The following ZRANB3 variants were observed in gnomAD, a reference collection of about 807,000 sequenced individuals.
The protein encoded by ZRANB3 is DNA annealing helicase and endonuclease ZRANB3.
Under a neutral mutation model 133.8 loss-of-function variants are expected in ZRANB3, and 125 were observed. The ratio of observed to expected loss-of-function variants is 0.93; its 90% CI spans 0.81 to 1.08. The LOEUF (loss-of-function observed/expected upper bound fraction) is 1.08. Among genes scored for constraint, ZRANB3 ranks in the 50% least tolerant of loss-of-function variants. ZRANB3 has a pLI of 0.00. For missense variants in ZRANB3, 1,229 were observed against 1,275.5 expected (o/e 0.96, Z 0.56); for synonymous variants, 387 against 432.7 (o/e 0.89, Z 1.31).
intron 2 of ZRANB3, among the ~76,000 whole-genome samples, chr2:135,446,683 T>A (rs1265294321): frequency 6.6e-6 from 1 of 152,090 alleles, no homozygotes; most frequent in Non-Finnish European, 1.5e-5. Flanking sequence ...TTGAGGAAAG[T>A]ATTAGAATGA....
intron 2 of ZRANB3, among the ~76,000 whole-genome samples, chr2:135,462,650 T>G (rs1690815422): frequency 6.6e-6 from 1 of 151,646 alleles, no homozygotes. Flanking sequence ...TGGAGTGTAG[T>G]GGCACTATCT....
intron 1 of ZRANB3, among the ~76,000 whole-genome samples, chr2:135,521,923 TC>T (rs1265741639): frequency 1.3e-5 from 2 of 152,048 alleles, no homozygotes; most frequent in African/African-American, 4.8e-5. Flanking sequence ...TGAGTTGGTC[TC>T]CCCTGTGTGA....
intron 2 of ZRANB3, among the ~76,000 whole-genome samples, chr2:135,494,979 A>G (rs1692599085): frequency 6.6e-6 from 1 of 152,230 alleles, no homozygotes; most frequent in African/African-American, 2.4e-5. Context: ...TCATGCCTGT[A>G]ATCCTAGCAC....
chr2:135,298,471 C>G (rs1682268493), intron 8 of ZRANB3, among the ~76,000 whole-genome samples: 1 of 152,128 alleles, frequency 6.6e-6, no homozygotes, highest in Admixed American at 6.5e-5. Flanking sequence ...AGATCTGGGG[C>G]TCAAGGGTTG....
intron 2 of ZRANB3, among the ~76,000 whole-genome samples, chr2:135,471,710 A>G (rs1158604673): frequency 6.6e-6 from 1 of 152,210 alleles, no homozygotes; most frequent in Non-Finnish European, 1.5e-5. Flanking sequence ...GAATTGATTC[A>G]GTTTTCTCGA....
At chr2:135,216,968 C>T (rs970689873) in intron 17 of ZRANB3, among the ~76,000 whole-genome samples, 23 of 152,264 alleles carry the variant, frequency 1.5e-4, no homozygotes, top group African/African-American at 3.4e-4. Context: ...AAATATCTGA[C>T]GGTCAACCTT....
intron 3 of ZRANB3, among the ~76,000 whole-genome samples, chr2:135,379,712 A>T (rs1686599439): frequency 6.6e-6 from 1 of 152,192 alleles, no homozygotes; most frequent in Admixed American, 6.5e-5. Flanking sequence ...AAACACACCA[A>T]ATTGTAAAGA....
rs528386250 is a variant in ZRANB3, at chr2:135,503,801, A to C, written c.161+528T>G. On this transcript the variant is annotated intron_variant, in intron 2 of 20. Coordinates refer to ENST00000264159, the MANE Select transcript of ZRANB3 (RefSeq NM_032143.4). The stretch of plus-strand genomic sequence containing the variant: ...ATGGTGAAAACCCATCCCTTAAAAA[A>C]ACACAACAAAAACAAAAATTACCCG... Among the ~76,000 whole-genome samples the C allele has an allele frequency of 3.3e-5, 5 of 152,164 alleles. No individual in the cohort carries two copies. In the South Asian group the frequency reaches 8.3e-4, roughly 25 times the overall value.
chr2:135,474,162 G>A (rs1691400434), intron 2 of ZRANB3, among the ~76,000 whole-genome samples: 1 of 151,988 alleles, frequency 6.6e-6, no homozygotes, highest in South Asian at 2.1e-4. Flanking sequence ...CTGCACTCTG[G>A]CCTGGGAGAC....
chr2:135,334,181 G>A (rs1287547967), intron 6 of ZRANB3, among the ~76,000 whole-genome samples: 2 of 152,152 alleles, frequency 1.3e-5, no homozygotes, highest in Non-Finnish European at 2.9e-5. Flanking sequence ...CATGTAAGAG[G>A]CATCCTAAAA....
At chr2:135,502,824 G>A (rs915344314) in intron 2 of ZRANB3, among the ~76,000 whole-genome samples, 1 of 152,170 alleles carries the variant, frequency 6.6e-6, no homozygotes, top group African/African-American at 2.4e-5. Context: ...GTCTAGGCTG[G>A]AAAAACTGAG....
chr2:135,498,788 T>C (rs1692804689), intron 2 of ZRANB3, among the ~76,000 whole-genome samples: 1 of 152,174 alleles, frequency 6.6e-6, no homozygotes, highest in Non-Finnish European at 1.5e-5. Flanking sequence ...CGGTTGTAGA[T>C]AAGGGATGAA....
Position 135,303,626 on chromosome 2 carries a change from G to A in ZRANB3, c.966+9863C>T, listed in dbSNP as rs535680018. Reference sequence around the variant, plus strand: ...AGTGTGACTCGTTCAAAATTGTTTTGGCTATAGTAAGTCCTTTGTATTGCC... The same window carrying A: ...AGTGTGACTCGTTCAAAATTGTTTTAGCTATAGTAAGTCCTTTGTATTGCC... On this transcript the variant is annotated intron_variant, in intron 8 of 20. Coordinates refer to ENST00000264159, the MANE Select transcript of ZRANB3 (RefSeq NM_032143.4). 8.0e-4 allele frequency among the ~76,000 whole-genome samples: 121 copies of A among 151,966 alleles called. 1 individual carries two copies. The highest frequency in any genetic ancestry group is 2.6e-3 in the African/African-American group (107 of 41,468).
At chr2:135,508,239 G>A (rs917261553) in intron 1 of ZRANB3, among the ~76,000 whole-genome samples, 45 of 152,198 alleles carry the variant, frequency 3.0e-4, no homozygotes, top group East Asian at 3.9e-4. Context: ...CTGGGTTCAC[G>A]CCATTCTCCT....
chr2:135,496,620 G>A lies in ZRANB3; in HGVS notation c.161+7709C>T, dbSNP rs1692685663. On this transcript the variant is annotated intron_variant, in intron 2 of 20. Transcript: ENST00000264159. ...AGAACCAAAACATTGCAAAAAACAAGACACTACCAACATAAGCAGGCAGAG... is the reference window on the plus strand; with the variant it reads ...AGAACCAAAACATTGCAAAAAACAAAACACTACCAACATAAGCAGGCAGAG... Among the ~76,000 whole-genome samples, 3 of 152,060 alleles carry A rather than the reference G, an allele frequency of 2.0e-5. No homozygotes were observed. In the South Asian group the frequency reaches 6.2e-4, roughly 32 times the overall value.
intron 16 of ZRANB3, among the ~76,000 whole-genome samples, chr2:135,218,223 A>T (rs983462012): frequency 6.6e-6 from 1 of 152,200 alleles, no homozygotes; most frequent in African/African-American, 2.4e-5. Context: ...AGACCAAAAA[A>T]GGTCTGGAAG....
chr2:135,211,068 TA>T (rs1201824116), intron 17 of ZRANB3, among the ~76,000 whole-genome samples: 2 of 152,076 alleles, frequency 1.3e-5, no homozygotes, highest in Admixed American at 6.6e-5. Flanking sequence ...AGAAATAGCT[TA>T]TTTTTTTCTG....
At chr2:135,490,564 A>C (rs998424921) in intron 2 of ZRANB3, among the ~76,000 whole-genome samples, 1 of 152,214 alleles carries the variant, frequency 6.6e-6, no homozygotes, top group African/African-American at 2.4e-5. Flanking sequence ...AAATCAGTAC[A>C]GCTGCCATGG....
At chr2:135,318,818 C>G (rs753097286) in intron 6 of ZRANB3, among the ~76,000 whole-genome samples, 1 of 152,072 alleles carries the variant, frequency 6.6e-6, no homozygotes, top group Non-Finnish European at 1.5e-5. Context: ...TCAATAGCTC[C>G]CACTTCATAG....
Sources: allele counts gnomAD v4.1 joint callset (sites outside exome capture counted in the v4.1 genomes callset), GRCh38; gene constraint gnomAD v4.1.1; transcripts MANE v1.5; gene names NCBI Gene and HGNC (gene_info 2026-07-23, HGNC 2026-07-21).